The following KIAA1328 variants were observed in gnomAD, a reference collection of about 807,000 sequenced individuals.
KIAA1328 encodes protein hinderin.
A neutral mutation model predicts 68.1 loss-of-function variants in KIAA1328; 52 were observed. That is an observed-to-expected ratio of 0.76 (90% CI 0.61 to 0.96). The LOEUF (loss-of-function observed/expected upper bound fraction) is 0.96, where lower values mean the gene tolerates loss of function less well. KIAA1328 is among the 40% of genes least tolerant of loss of function. KIAA1328 has a pLI of 0.00. For missense variants in KIAA1328, 641 were observed against 677.6 expected, an observed-to-expected ratio of 0.95 and a Z score of 0.60; for synonymous variants, 232 against 239.4, an observed-to-expected ratio of 0.97 and a Z score of 0.28.
intron 7 of KIAA1328, among the ~76,000 whole-genome samples, chr18:37,150,786 A>G (rs559164399): frequency 2.6e-5 from 4 of 152,302 alleles, no homozygotes; most frequent in Admixed American, 6.5e-5. Context: ...AAAGCATTTG[A>G]CATAACTCAT....
chr18:37,111,968 G>A (rs114452254), intron 7 of KIAA1328, among the ~76,000 whole-genome samples: 2,164 of 152,308 alleles, frequency 0.014, 49 homozygotes, highest in African/African-American at 0.05. Flanking sequence ...GCAGTGAGGT[G>A]GGTGGAGGGA....
intron 6 of KIAA1328, among the ~76,000 whole-genome samples, chr18:36,977,714 A>G (rs977686057): frequency 6.6e-6 from 1 of 152,156 alleles, no homozygotes; most frequent in Admixed American, 6.5e-5. Flanking sequence ...CCCCAGGTTT[A>G]GTGATTGACA....
intron 9 of KIAA1328, among the ~76,000 whole-genome samples, chr18:37,192,044 A>G (rs1414455423): frequency 6.6e-6 from 1 of 152,160 alleles, no homozygotes; most frequent in Non-Finnish European, 1.5e-5. Flanking sequence ...CAACTGTAGC[A>G]CTAAGTCCGA....
chr18:36,975,251 C>T (rs1349577662), intron 6 of KIAA1328, among the ~76,000 whole-genome samples: 23 of 144,934 alleles, frequency 1.6e-4, no homozygotes, highest in Admixed American at 5.7e-4. Context: ...GGCGGGATCT[C>T]GGCTCACTGC....
chr18:37,057,207 C>T (rs2055946435), intron 6 of KIAA1328, among the ~76,000 whole-genome samples: 1 of 151,958 alleles, frequency 6.6e-6, no homozygotes, highest in Non-Finnish European at 1.5e-5. Context: ...TATTTAATGC[C>T]TATTCATAGG....
intron 3 of KIAA1328, among the ~76,000 whole-genome samples, chr18:36,842,680 T>A (rs540228843): frequency 4.3e-4 from 65 of 152,226 alleles, no homozygotes; most frequent in African/African-American, 1.2e-3. Flanking sequence ...ATTTATTTTT[T>A]TTTTTTTGCC....
chr18:36,981,645 A>T (rs1397577276), intron 6 of KIAA1328, among the ~76,000 whole-genome samples: 1 of 152,078 alleles, frequency 6.6e-6, no homozygotes, highest in Admixed American at 6.6e-5. Context: ...GAAGTGCAGT[A>T]GTGTGAACAT....
At chr18:37,172,287 A>G (rs1354609561) in intron 8 of KIAA1328, among the ~76,000 whole-genome samples, 1 of 152,230 alleles carries the variant, frequency 6.6e-6, no homozygotes, top group Non-Finnish European at 1.5e-5. Flanking sequence ...TATGTTGTTT[A>G]GAAACTAATA....
intron 5 of KIAA1328, among the ~76,000 whole-genome samples, chr18:36,888,801 A>G (rs2048585057): frequency 6.6e-6 from 1 of 152,156 alleles, no homozygotes; most frequent in Non-Finnish European, 1.5e-5. Flanking sequence ...AAATAATATA[A>G]TTTTAACTAC....
chr18:37,030,684 A>T (rs950099233), intron 6 of KIAA1328, among the ~76,000 whole-genome samples: 2 of 151,858 alleles, frequency 1.3e-5, no homozygotes, highest in Non-Finnish European at 2.9e-5. Context: ...CTTTCTTTTT[A>T]TTTATTTATT....
At position 37,082,802 on chromosome 18, in the gene KIAA1328, A is replaced by G. The variant is rs577985937; in HGVS notation, c.1232+15257A>G. ...TGATCAGAGAAGATTTATCCAGAATATTATTCATGATTGTGCCAAGAACCA... is the reference window on the plus strand; with the variant it reads ...TGATCAGAGAAGATTTATCCAGAATGTTATTCATGATTGTGCCAAGAACCA... On this transcript the variant is annotated intron_variant, in intron 7 of 9. Coordinates refer to ENST00000280020, the MANE Select transcript of KIAA1328 (RefSeq NM_020776.3). Among the ~76,000 whole-genome samples, 4 of 152,332 alleles carry G rather than the reference A, an allele frequency of 2.6e-5. No homozygotes were observed. The South Asian group carries it at 8.3e-4, about 32-fold the overall frequency.
At chr18:36,981,579 C>T (rs996973772) in intron 6 of KIAA1328, among the ~76,000 whole-genome samples, 1 of 151,914 alleles carries the variant, frequency 6.6e-6, no homozygotes, top group South Asian at 2.1e-4. Flanking sequence ...CAAAGAGACA[C>T]AAATTGAACT....
At chr18:36,885,406 G>A in intron 4 of KIAA1328, 151 bp from the exon 5 acceptor site, 2 of 465,456 alleles carry the variant, frequency 4.3e-6, no homozygotes, top group Non-Finnish European at 3.8e-6. Context: ...GAGAGATTAA[G>A]TTTTTTAAAA....
intron 4 of KIAA1328, among the ~76,000 whole-genome samples, chr18:36,871,863 G>A (rs2047956723): frequency 6.6e-6 from 1 of 152,040 alleles, no homozygotes; most frequent in South Asian, 2.1e-4. Flanking sequence ...TCAGCTTGAT[G>A]GAGGCCACAT....
chr18:37,117,980 A>G (rs780184756), intron 7 of KIAA1328, among the ~76,000 whole-genome samples: 1 of 150,708 alleles, frequency 6.6e-6, no homozygotes, highest in Non-Finnish European at 1.5e-5. Flanking sequence ...TCCCATGGCC[A>G]TAACTGGTAT....
At chr18:36,840,107 A>G (rs1317619382) in intron 3 of KIAA1328, among the ~76,000 whole-genome samples, 1 of 152,142 alleles carries the variant, frequency 6.6e-6, no homozygotes, top group Non-Finnish European at 1.5e-5. Context: ...TTTTCAACTC[A>G]GGGAGATTGC....
intron 9 of KIAA1328, among the ~76,000 whole-genome samples, chr18:37,188,077 C>T (rs1307312304): frequency 3.3e-5 from 5 of 152,172 alleles, no homozygotes; most frequent in Admixed American, 2.6e-4. Context: ...GAGCAATTGG[C>T]GTTGAGCTTC....
intron 5 of KIAA1328, among the ~76,000 whole-genome samples, chr18:36,931,488 C>T (rs1052391777): frequency 4.6e-5 from 7 of 151,998 alleles, no homozygotes; most frequent in South Asian, 2.1e-4. Context: ...CCGACCATAC[C>T]ACCCCACAAT....
intron 7 of KIAA1328, among the ~76,000 whole-genome samples, chr18:37,113,571 C>T (rs1005215416): frequency 6.6e-6 from 1 of 152,130 alleles, no homozygotes; most frequent in African/African-American, 2.4e-5. Context: ...ATTGTAAAGA[C>T]CATTGATGCT....
Sources: allele counts gnomAD v4.1 joint callset (sites outside exome capture counted in the v4.1 genomes callset), GRCh38; gene constraint gnomAD v4.1.1; transcripts MANE v1.5; gene names NCBI Gene and HGNC (gene_info 2026-07-23, HGNC 2026-07-21).